The following EPHA6 variants were observed in gnomAD, a reference collection of about 807,000 sequenced individuals.
EPHA6 encodes the protein ephrin type-A receptor 6.
In EPHA6, 50 loss-of-function variants were observed where a neutral mutation model predicts 112.0. That is an observed-to-expected ratio of 0.45 (90% CI 0.36 to 0.56). EPHA6 has a LOEUF of 0.56. Ranked by LOEUF, EPHA6 falls within the 20% of genes least tolerant of loss-of-function variation. The pLI, the probability that EPHA6 is intolerant of heterozygous loss-of-function variation, is 0.00. For missense variants in EPHA6, 1,280 were observed against 1,417.4 expected (o/e 0.90, Z 1.56); for synonymous variants, 529 against 490.7 (o/e 1.08, Z -1.03).
intron 5 of EPHA6, among the ~76,000 whole-genome samples, chr3:97,401,156 T>G (rs896193171): frequency 7.9e-5 from 12 of 151,802 alleles, no homozygotes; most frequent in Non-Finnish European, 1.8e-4. Flanking sequence ...AAATGCTTTT[T>G]TTTGCATCTG....
rs1264639995 is a variant in EPHA6, at chr3:97,753,863, T to G, written c.*5162T>G. On this transcript the variant is annotated 3_prime_UTR_variant, in exon 18 of 18. Transcript: ENST00000389672. ...TTTCTTACTGTTAAAAAAAAAGTAC[T>G]GATGAGATGTAGCAAAGATTTCTCA... Among the ~76,000 whole-genome samples, 2 of 152,080 alleles carry G rather than the reference T, an allele frequency of 1.3e-5. No homozygotes were observed. The highest frequency in any genetic ancestry group is 2.9e-5 in the Non-Finnish European group (2 of 68,010).
intron 11 of EPHA6, among the ~76,000 whole-genome samples, chr3:97,546,399 C>G (rs1201076174): frequency 2.0e-5 from 3 of 152,200 alleles, no homozygotes; most frequent in Admixed American, 6.5e-5. Context: ...GGTCCCCACT[C>G]TCTTCTGGCT....
At chr3:97,694,150 C>T (rs1289838389) in intron 14 of EPHA6, among the ~76,000 whole-genome samples, 1 of 152,126 alleles carries the variant, frequency 6.6e-6, no homozygotes, top group Non-Finnish European at 1.5e-5. Flanking sequence ...TATTCTGCCA[C>T]TCACTATTGT....
At chr3:97,085,928 C>CAT (rs67777487) in intron 3 of EPHA6, among the ~76,000 whole-genome samples, 1,678 of 119,244 alleles carry the variant, frequency 0.014, 55 homozygotes, top group East Asian at 0.015. Flanking sequence ...TATATGATGT[C>CAT]ATATATATAT....
rs1490739716 is a variant in EPHA6 at position 97,255,149 on chromosome 3, TGTGTG to T, written c.1606+10863_1606+10867del. Among the ~76,000 whole-genome samples the T allele has an allele frequency of 7.2e-5, 8 of 111,718 alleles. No homozygotes were observed. In the East Asian group the frequency reaches 2.2e-3, roughly 30 times the overall value. The allele number at this position is 111,718 out of a possible 152,430, so 73.3% of individuals were successfully genotyped here. On this transcript the variant is annotated intron_variant, in intron 5 of 17. Coordinates refer to ENST00000389672, the MANE Select transcript of EPHA6 (RefSeq NM_001080448.3). ...TTTCCAGAGGTACATCTTGGATGTG[TGTGTG>T]TGTGTGTGTGTGTGTGTGTGTGTGT...
At chr3:97,684,157 T>G (rs1470939909) in intron 14 of EPHA6, among the ~76,000 whole-genome samples, 1 of 152,186 alleles carries the variant, frequency 6.6e-6, no homozygotes, top group South Asian at 2.1e-4. Context: ...CTACTTTATA[T>G]CCACATTAGT....
At chr3:97,268,447 A>G (rs1207687665) in intron 5 of EPHA6, among the ~76,000 whole-genome samples, 4 of 152,296 alleles carry the variant, frequency 2.6e-5, no homozygotes, top group Non-Finnish European at 5.9e-5. Flanking sequence ...TAAAAAAGAG[A>G]TTCTGAGAAA....
intron 2 of EPHA6, among the ~76,000 whole-genome samples, chr3:96,976,372 C>G (rs2042522309): frequency 6.6e-6 from 1 of 152,016 alleles, no homozygotes; most frequent in Non-Finnish European, 1.5e-5. Flanking sequence ...CTATATTTTA[C>G]TATATAAACT....
At chr3:97,188,152 G>A (rs923043126) in intron 3 of EPHA6, among the ~76,000 whole-genome samples, 2 of 151,976 alleles carry the variant, frequency 1.3e-5, no homozygotes, top group African/African-American at 2.4e-5. Context: ...ATTCCTGATG[G>A]CATGTGCAAG....
In EPHA6 at chr3:97,553,310, G is replaced by A. The variant is rs114121828; in HGVS notation, c.2386+20767G>A. 4.9e-3 allele frequency among the ~76,000 whole-genome samples: 751 copies of A among 152,084 alleles called. 8 individuals carry two copies. Among genetic ancestry groups the A allele is most frequent in the African/African-American group, 0.017 (724 of 41,486 alleles). ...GGGCTTTCCTGTGTTCTTGTTGATT[G>A]CCCTGACCTTCCCTCATGTCCTCAC... On this transcript the variant is annotated intron_variant, in intron 11 of 17. Transcript: ENST00000389672.
chr3:97,498,122 C>G (rs1026814799), intron 10 of EPHA6, among the ~76,000 whole-genome samples: 1 of 152,058 alleles, frequency 6.6e-6, no homozygotes, highest in Non-Finnish European at 1.5e-5. Context: ...GGTCTATGTT[C>G]TTGTTTGACG....
intron 15 of EPHA6, among the ~76,000 whole-genome samples, chr3:97,734,321 T>C (rs2035163408): frequency 6.6e-6 from 1 of 152,078 alleles, no homozygotes; most frequent in South Asian, 2.1e-4. Flanking sequence ...GTTGCTTCTC[T>C]GAGCTATCCA....
chr3:97,632,302 G>C (rs1463882091), intron 13 of EPHA6, among the ~76,000 whole-genome samples: 1 of 151,988 alleles, frequency 6.6e-6, no homozygotes, highest in Non-Finnish European at 1.5e-5. Context: ...CACTGTGCCA[G>C]GCAAGGTGCT....
intron 5 of EPHA6, among the ~76,000 whole-genome samples, chr3:97,315,404 C>A (rs1329654068): frequency 2.0e-5 from 3 of 151,702 alleles, no homozygotes; most frequent in African/African-American, 4.8e-5. Context: ...ACTTAAATTT[C>A]TTGCCCCTCC....
chr3:96,860,913 A>G (rs957192457), intron 1 of EPHA6, among the ~76,000 whole-genome samples: 1 of 152,072 alleles, frequency 6.6e-6, no homozygotes, highest in Non-Finnish European at 1.5e-5. Flanking sequence ...TCTTTTACTC[A>G]TTTTTAACCA....
chr3:97,337,117 A>C (rs1424370431), intron 5 of EPHA6, among the ~76,000 whole-genome samples: 1 of 152,182 alleles, frequency 6.6e-6, no homozygotes, highest in Admixed American at 6.5e-5. Context: ...AGAGAGAACC[A>C]TATCATGTAT....
At chr3:97,662,757 C>A (rs560275560) in intron 14 of EPHA6, among the ~76,000 whole-genome samples, 1 of 152,180 alleles carries the variant, frequency 6.6e-6, no homozygotes, top group Admixed American at 6.5e-5. Flanking sequence ...TATCCACCAA[C>A]AAAAAAACAG....
At chr3:96,883,985 C>A (rs1420795238) in intron 2 of EPHA6, among the ~76,000 whole-genome samples, 2 of 152,050 alleles carry the variant, frequency 1.3e-5, no homozygotes, top group Non-Finnish European at 2.9e-5. Flanking sequence ...TGTCCTTTCC[C>A]CATTTTATGT....
intron 3 of EPHA6, among the ~76,000 whole-genome samples, chr3:97,143,837 G>T (rs1359777032): frequency 6.6e-6 from 1 of 151,606 alleles, no homozygotes; most frequent in South Asian, 2.1e-4. Context: ...GGAGGAATAG[G>T]CATTGCAGTG....
Sources: gnomAD v4.1 joint callset for allele counts (sites outside exome capture counted in the v4.1 genomes callset) on GRCh38, gnomAD v4.1.1 for gene constraint, MANE v1.5 for transcripts, NCBI Gene and HGNC (gene_info 2026-07-23, HGNC 2026-07-21) for gene names.